Variants in EYS observed in about 807,000 individuals in gnomAD.
The protein encoded by EYS is EGF-like photoreceptor maintenance factor.
Under a neutral mutation model 282.1 loss-of-function variants are expected in EYS, and 250 were observed. That is an observed-to-expected ratio of 0.89 (90% CI 0.80 to 0.98). The LOEUF (loss-of-function observed/expected upper bound fraction) is 0.98, where lower values mean the gene tolerates loss of function less well. Among genes scored for constraint, EYS ranks in the 50% least tolerant of loss-of-function variants. The pLI is 0.00. For synonymous variants in EYS, 1,355 were observed against 1,282.9 expected, an observed-to-expected ratio of 1.06 and a Z score of -1.20; for missense variants, 4,016 against 3,709.0, an observed-to-expected ratio of 1.08 and a Z score of -2.15.
chr6:64,455,760 C>T (rs960540847), intron 26 of EYS, among the ~76,000 whole-genome samples: 3 of 151,196 alleles, frequency 2.0e-5, no homozygotes, highest in Non-Finnish European at 4.4e-5. Context: ...TAGCTTCATC[C>T]ATTTCCCTGC....
At chr6:64,869,855 T>C (rs990473764) in intron 19 of EYS, among the ~76,000 whole-genome samples, 3 of 151,610 alleles carry the variant, frequency 2.0e-5, no homozygotes, top group African/African-American at 4.8e-5. Flanking sequence ...TCTTTTTTTT[T>C]CTTTTTTATG....
intron 19 of EYS, among the ~76,000 whole-genome samples, chr6:64,846,969 C>T (rs938108015): frequency 6.6e-6 from 1 of 151,872 alleles, no homozygotes; most frequent in Admixed American, 6.6e-5. Context: ...GTGAGACTAT[C>T]ATTCAAATCT....
At chr6:64,046,935 T>C (rs1214092547) in intron 33 of EYS, among the ~76,000 whole-genome samples, 1 of 152,216 alleles carries the variant, frequency 6.6e-6, no homozygotes, top group Non-Finnish European at 1.5e-5. Flanking sequence ...CTCTCCTCTT[T>C]GAAGGTTGTA....
At chr6:63,981,228 C>T (rs1767074754) in intron 35 of EYS, among the ~76,000 whole-genome samples, 2 of 151,736 alleles carry the variant, frequency 1.3e-5, no homozygotes, top group Admixed American at 6.6e-5. Context: ...TGCTGGAGTG[C>T]TAGCTGTAGG....
intron 31 of EYS, among the ~76,000 whole-genome samples, chr6:64,138,262 G>T (rs1306235386): frequency 6.6e-6 from 1 of 152,114 alleles, no homozygotes; most frequent in East Asian, 1.9e-4. Flanking sequence ...ATGGCTAAAT[G>T]GGAACATAAA....
intron 22 of EYS, among the ~76,000 whole-genome samples, chr6:64,704,383 T>C (rs1770901557): frequency 1.4e-5 from 2 of 146,306 alleles, no homozygotes; most frequent in South Asian, 4.2e-4. Flanking sequence ...AGCAATAAAA[T>C]TGTATCTAGT....
intron 1 of EYS, among the ~76,000 whole-genome samples, chr6:65,646,312 A>G (rs567515060): frequency 8.5e-5 from 13 of 152,274 alleles, no homozygotes; most frequent in African/African-American, 2.9e-4. Context: ...CATCATATTA[A>G]AAAGATAATC....
At chr6:65,517,201 T>C (rs539422898) in intron 2 of EYS, among the ~76,000 whole-genome samples, 3 of 152,094 alleles carry the variant, frequency 2.0e-5, no homozygotes, top group African/African-American at 7.2e-5. Context: ...AAGGATATTA[T>C]ATTATTTTAT....
rs184634055 is a variant in EYS at position 64,517,571 on chromosome 6, A to T, written c.5644+72652T>A. ...AGTTGTTGGAGAACAAGCGGACAAG[A>T]GCCTAGGTAGCAGAACAAGGGCAAA... On this transcript the variant is annotated intron_variant, in intron 26 of 42. Coordinates refer to ENST00000503581, the MANE Select transcript of EYS (RefSeq NM_001142800.2). 2.0e-3 allele frequency among the ~76,000 whole-genome samples: 299 copies of T among 151,924 alleles called. 2 individuals carry two copies. The Middle Eastern group carries it at 0.02, about 10-fold the overall frequency.
intron 22 of EYS, among the ~76,000 whole-genome samples, chr6:64,713,618 A>G (rs535490648): frequency 2.0e-4 from 31 of 152,220 alleles, no homozygotes; most frequent in African/African-American, 7.5e-4. Context: ...AGAAATAAAG[A>G]ACTATTTACC....
At chr6:65,472,971 A>G (rs1345900265) in intron 5 of EYS, among the ~76,000 whole-genome samples, 2 of 151,954 alleles carry the variant, frequency 1.3e-5, no homozygotes, top group Non-Finnish European at 2.9e-5. Flanking sequence ...AATGAAATGA[A>G]ACAATTTACC....
intron 12 of EYS, among the ~76,000 whole-genome samples, chr6:65,156,057 C>A (rs2150218329): frequency 6.6e-6 from 1 of 151,352 alleles, no homozygotes; most frequent in Admixed American, 6.6e-5. Context: ...AGAATTAACA[C>A]AAGCTAAGTT....
intron 12 of EYS, among the ~76,000 whole-genome samples, chr6:65,181,123 G>A (rs536254809): frequency 5.4e-4 from 82 of 152,022 alleles, no homozygotes; most frequent in African/African-American, 2.0e-3. Flanking sequence ...AACCTAGGCA[G>A]TACCATTCAG....
intron 35 of EYS, among the ~76,000 whole-genome samples, chr6:63,978,184 TACTC>T (rs1766930743): frequency 6.6e-6 from 1 of 152,112 alleles, no homozygotes; most frequent in African/African-American, 2.4e-5. Flanking sequence ...ATACCTTAAA[TACTC>T]AATTAATTAA....
chr6:64,593,015 T>C, intron 25 of EYS, 102 bp downstream of exon 25: 1 of 769,410 alleles, frequency 1.3e-6, no homozygotes, highest in Non-Finnish European at 1.8e-6. Flanking sequence ...AAAAATCATG[T>C]ATCTCAGAAA....
At chr6:64,070,994 CT>C (rs1005624002) in intron 32 of EYS, among the ~76,000 whole-genome samples, 2 of 152,002 alleles carry the variant, frequency 1.3e-5, no homozygotes, top group African/African-American at 4.8e-5. Flanking sequence ...CGGAGTATCC[CT>C]GTGTGAGAGC....
rs748887892 is a variant in EYS, at chr6:65,495,033, A to G, written c.378T>C (p.Phe126=). ...QNTTTEDQLL[F]GCRLKGMHTV... Reference sequence around the variant, plus strand: ...TGTGCATTCCTTTTAGTCTGCAGCCAAAAAGTAACTGATCTTCCGTTGTGG... The same window carrying G: ...TGTGCATTCCTTTTAGTCTGCAGCCGAAAAGTAACTGATCTTCCGTTGTGG... Residue 126 remains phenylalanine (F), a synonymous_variant, in exon 4 of 43, where the codon TTT becomes TTC. Coordinates refer to ENST00000503581, the MANE Select transcript of EYS (RefSeq NM_001142800.2). The G allele has an allele frequency of 3.1e-6, 5 of 1,614,116 alleles. No homozygotes were observed. The highest frequency in any genetic ancestry group is 4.2e-6 in the Non-Finnish European group (5 of 1,180,056).
chr6:65,199,071 C>CGTCAAGTA (rs1218262523), intron 12 of EYS, among the ~76,000 whole-genome samples: 4 of 151,992 alleles, frequency 2.6e-5, no homozygotes, highest in African/African-American at 9.7e-5. Flanking sequence ...CCAGTAGTCC[C>CGTCAAGTA]GTCAAGTAAA....
At chr6:64,519,173 C>T (rs1021214165) in intron 26 of EYS, among the ~76,000 whole-genome samples, 6 of 151,674 alleles carry the variant, frequency 4.0e-5, no homozygotes, top group African/African-American at 1.5e-4. Flanking sequence ...GGAAAATGCT[C>T]TCATCCTCCA....
Sources: gnomAD v4.1 joint callset for allele counts (sites outside exome capture counted in the v4.1 genomes callset) on GRCh38, gnomAD v4.1.1 for gene constraint, MANE v1.5 for transcripts, NCBI Gene and HGNC (gene_info 2026-07-23, HGNC 2026-07-21) for gene names.